Variants in LRRK2 observed in about 807,000 individuals in gnomAD.
The protein encoded by LRRK2 is leucine rich repeat kinase 2.
Under a neutral mutation model 302.6 loss-of-function variants are expected in LRRK2, and 203 were observed. The ratio of observed to expected loss-of-function variants is 0.67; its 90% confidence interval spans 0.60 to 0.75. The LOEUF is 0.75. Among genes scored for constraint, LRRK2 ranks in the 30% least tolerant of loss-of-function variants. LRRK2 has a pLI of 0.00. For missense variants in LRRK2, 2,830 were observed against 2,951.0 expected, an observed-to-expected ratio of 0.96 and a Z score of 0.95; for synonymous variants, 1,066 against 1,031.9, an observed-to-expected ratio of 1.03 and a Z score of -0.63.
Position 40,277,903 on chromosome 12 carries a change from T to G in LRRK2, c.1957T>G (p.Leu653Val), listed in dbSNP as rs1254900830. The G allele has an allele frequency of 1.2e-6, 2 of 1,609,660 alleles. No individual in the cohort carries two copies. The highest frequency in any genetic ancestry group is 2.2e-5 in the South Asian group (2 of 90,842). Residue 653 changes from leucine (L) to valine (V), a missense_variant, in exon 17 of 51, where the codon TTA becomes GTA. Around this residue, in one of 3 missense-constraint regions of LRRK2, gnomAD observed 2,121 missense variants for 2,148.0 expected, o/e 0.99. Transcript: ENST00000298910. ...EIQTKGFQTI[L>V]AILKLSASFS... ...ATACTTTTAGGGATTTCAGACAATC[T>G]TAGCAATCCTCAAATTGTCAGCATC...
At chr12:40,364,516 C>CT (rs35403247) in intron 48 of LRRK2, among the ~76,000 whole-genome samples, 40,497 of 149,952 alleles carry the variant, frequency 0.27, 5,866 homozygotes, top group South Asian at 0.36. Flanking sequence ...TTGACTCTAA[C>CT]TTTTTTTTTT....
intron 19 of LRRK2, among the ~76,000 whole-genome samples, chr12:40,285,679 T>A (rs1334741342): frequency 6.6e-6 from 1 of 151,942 alleles, no homozygotes; most frequent in African/African-American, 2.4e-5. Context: ...GAAAAAAACC[T>A]AAGTATTCCC....
At chr12:40,334,946 C>T in intron 39 of LRRK2, 21 bp from the exon 40 acceptor site, 1 of 1,613,152 alleles carries the variant, frequency 6.2e-7, no homozygotes. Context: ...ATTACTCTTA[C>T]ATGATTTTGG....
At chr12:40,333,344 G>A (rs959598372) in intron 39 of LRRK2, among the ~76,000 whole-genome samples, 6 of 152,104 alleles carry the variant, frequency 3.9e-5, no homozygotes, top group South Asian at 2.1e-4. Flanking sequence ...ATCAGTGGGC[G>A]CCGCTACTCC....
intron 49 of LRRK2, chr12:40,365,292 A>T: frequency 2.2e-6 from 1 of 453,784 alleles, no homozygotes. Flanking sequence ...TTTGGGTCTT[A>T]CTTGCTTTTT....
At chr12:40,257,685 T>G (rs1157167565) in intron 12 of LRRK2, among the ~76,000 whole-genome samples, 1 of 152,236 alleles carries the variant, frequency 6.6e-6, no homozygotes, top group Non-Finnish European at 1.5e-5. Flanking sequence ...CTAATTATTG[T>G]GTGTGTGAAA....
chr12:40,298,805 T>A (rs1250821788), intron 24 of LRRK2, among the ~76,000 whole-genome samples: 1 of 78,046 alleles, frequency 1.3e-5, no homozygotes, highest in African/African-American at 5.2e-5. Context: ...ATATAATATA[T>A]GTATTATAAT....
Position 40,309,099 on chromosome 12 carries a change from T to A in LRRK2, c.4190-7T>A, listed in dbSNP as rs745680407. ...ATTAAAAAAATTTGTCTCTAATCTTTATTTAGGTCGTGAGGAATTCTATAG... is the reference window on the plus strand; with the variant it reads ...ATTAAAAAAATTTGTCTCTAATCTTAATTTAGGTCGTGAGGAATTCTATAG... On this transcript the variant is annotated splice_region_variant and splice_polypyrimidine_tract_variant and intron_variant, in intron 29 of 50. Transcript: ENST00000298910. The A allele has an allele frequency of 1.9e-6, 3 of 1,613,394 alleles. No individual in the cohort carries two copies. Among genetic ancestry groups the A allele is most frequent in the Non-Finnish European group, 2.5e-6 (3 of 1,179,660 alleles).
At chr12:40,238,638 C>T (rs1565670876) in intron 5 of LRRK2, among the ~76,000 whole-genome samples, 2 of 152,108 alleles carry the variant, frequency 1.3e-5, no homozygotes, top group Non-Finnish European at 2.9e-5. Context: ...TGGGTCACAG[C>T]AGTGAAGTGA....
At position 40,225,232 on chromosome 12, in the gene LRRK2, C is replaced by G; in HGVS notation, c.101C>G (p.Thr34Arg). Reference protein sequence around the residue: ...NNVQEGKQIETLVQILEDLLV... With the variant: ...NNVQEGKQIERLVQILEDLLV... Reference sequence around the variant, plus strand: ...GTCCAGGAAGGAAAACAGATAGAAACGCTGGTCCAAATCCTGGAGGATCTG... The same window carrying G: ...GTCCAGGAAGGAAAACAGATAGAAAGGCTGGTCCAAATCCTGGAGGATCTG... Residue 34 changes from threonine (T) to arginine (R), a missense_variant, in exon 1 of 51, where the codon ACG (threonine) becomes AGG (arginine). Thr to Arg is a moderately conservative substitution (Grantham distance 71). Coordinates refer to ENST00000298910, the MANE Select transcript of LRRK2 (RefSeq NM_198578.4). The G allele has an allele frequency of 6.2e-7, 1 of 1,614,138 alleles. No homozygotes were observed. Among genetic ancestry groups the G allele is most frequent in the Non-Finnish European group, 8.5e-7 (1 of 1,180,006 alleles).
intron 13 of LRRK2, among the ~76,000 whole-genome samples, chr12:40,259,887 CT>C (rs1412137905): frequency 6.6e-6 from 1 of 152,002 alleles, no homozygotes; most frequent in Non-Finnish European, 1.5e-5. Flanking sequence ...TCTGATAATT[CT>C]TTTCTATTTT....
chr12:40,346,340 A>T (rs1483729993), intron 41 of LRRK2, among the ~76,000 whole-genome samples: 1 of 152,190 alleles, frequency 6.6e-6, no homozygotes, highest in Non-Finnish European at 1.5e-5. Context: ...CTTTCTACTC[A>T]TCTCTCCTGT....
In LRRK2 at chr12:40,238,336, C is replaced by T. The variant is rs533667809; in HGVS notation, c.571+233C>T. Among the ~76,000 whole-genome samples, 101 of 152,152 alleles carry T rather than the reference C, an allele frequency of 6.6e-4. 1 individual carries two copies. In the South Asian group the frequency reaches 0.02, roughly 31 times the overall value. ...TCATGCCCCTGGAGTAGACTTTCTTCAATTGCTTAACAAGGCATAAGGTTT... is the reference window on the plus strand; with the variant it reads ...TCATGCCCCTGGAGTAGACTTTCTTTAATTGCTTAACAAGGCATAAGGTTT... On this transcript the variant is annotated intron_variant, in intron 5 of 50. Transcript: ENST00000298910.
At chr12:40,359,498 C>A in intron 47 of LRRK2, 54 bp downstream of exon 47, 1 of 1,417,512 alleles carries the variant, frequency 7.1e-7, no homozygotes, top group Non-Finnish European at 9.9e-7. Context: ...TTGTTTTTTC[C>A]TTATAATCAT....
rs186260540 is a variant in LRRK2 at position 40,344,709 on chromosome 12, T to C, written c.6110-2044T>C. On this transcript the variant is annotated intron_variant, in intron 41 of 50. Transcript: ENST00000298910. ...GGTGCACTTTATTAGGGATATGTTTTATCTTAATTACACAATTCTTTAACT... is the reference window on the plus strand; with the variant it reads ...GGTGCACTTTATTAGGGATATGTTTCATCTTAATTACACAATTCTTTAACT... 4.0e-3 allele frequency among the ~76,000 whole-genome samples: 602 copies of C among 152,294 alleles called. 1 individual carries two copies. Among genetic ancestry groups the C allele is most frequent in the Non-Finnish European group, 7.1e-3 (485 of 68,014 alleles).
At position 40,287,231 on chromosome 12, in the gene LRRK2, G is replaced by T. The variant is rs1304832024; in HGVS notation, c.2501-120G>T. On this transcript the variant is annotated intron_variant, in intron 19 of 50. Coordinates refer to ENST00000298910, the MANE Select transcript of LRRK2 (RefSeq NM_198578.4). ...AGGATCACTAGTGTAAGGTGACTTT[G>T]AAAGGAAAAATAGAAATATTCTCCA... 1.6e-5 allele frequency: 14 copies of T among 892,244 alleles called. No homozygotes were observed. In the South Asian group the frequency reaches 2.1e-4, roughly 13 times the overall value. The allele number at this position is 892,244 out of a possible 1,614,324, so 55.3% of individuals were successfully genotyped here.
chr12:40,231,236 T>G (rs1941166507), intron 2 of LRRK2, among the ~76,000 whole-genome samples: 1 of 151,872 alleles, frequency 6.6e-6, no homozygotes, highest in South Asian at 2.1e-4. Context: ...GTGGAGGAAA[T>G]TCTGTCAGGT....
intron 12 of LRRK2, 74 bp from the exon 13 acceptor site, chr12:40,259,406 C>T: frequency 6.3e-7 from 1 of 1,583,892 alleles, no homozygotes; most frequent in Non-Finnish European, 8.7e-7. Context: ...CCCTCCTGTA[C>T]TTATTTCAAT....
In LRRK2 at chr12:40,313,855, T is replaced by C. The variant is rs1945115931; in HGVS notation, c.4537-117T>C. 5.4e-6 allele frequency: 4 copies of C among 738,278 alleles called. No homozygotes were observed. The South Asian group carries it at 6.9e-5, about 13-fold the overall frequency. 45.7% of individuals were successfully genotyped at this position (738,278 alleles called of 1,614,324 possible). A position where few individuals can be genotyped will look rare whatever the true frequency, so the allele number is the denominator to read the frequency against. Reference sequence around the variant, plus strand: ...ATTATATTTTGATTTTATTTAAAAATGTACTTCTGAATAATATATCTGTTT... The same window carrying C: ...ATTATATTTTGATTTTATTTAAAAACGTACTTCTGAATAATATATCTGTTT... On this transcript the variant is annotated intron_variant, in intron 31 of 50. Transcript: ENST00000298910.
Sources: gnomAD v4.1 joint callset for allele counts (sites outside exome capture counted in the v4.1 genomes callset) on GRCh38, gnomAD v4.1.1 for gene constraint, gnomAD v4.1.1 regional missense constraint, MANE v1.5 for transcripts, NCBI Gene and HGNC (gene_info 2026-07-23, HGNC 2026-07-21) for gene names.